IL16: variants seen among roughly 807,000 people sequenced by gnomAD.
IL16 encodes interleukin 16.
A neutral mutation model predicts 110.1 loss-of-function variants in IL16; 67 were observed. The observed-to-expected ratio is 0.61, with a 90% CI of 0.50 to 0.75. The LOEUF (loss-of-function observed/expected upper bound fraction) is 0.75, where lower values mean the gene tolerates loss of function less well. Among genes scored for constraint, IL16 ranks in the 30% least tolerant of loss-of-function variants. The pLI, the probability that IL16 is intolerant of heterozygous loss-of-function variation, is 0.00. For missense variants in IL16, 1,545 were observed against 1,655.0 expected, an observed-to-expected ratio of 0.93 and a Z score of 1.15; for synonymous variants, 689 against 662.9, an observed-to-expected ratio of 1.04 and a Z score of -0.61.
intron 14 of IL16, 60 bp downstream of exon 14, chr15:81,300,535 A>G: frequency 1.8e-6 from 2 of 1,107,964 alleles, no homozygotes; most frequent in Non-Finnish European, 2.6e-6. Context: ...TCTCATCTTT[A>G]TTTTTAAAAA....
chr15:81,306,950 A>G (rs1018889433), intron 18 of IL16: 1 of 314,188 alleles, frequency 3.2e-6, no homozygotes, highest in East Asian at 8.7e-5. Context: ...TGGACAAAAT[A>G]TCCAAGTTTA....
chr15:81,297,011 A>T lies in IL16; in HGVS notation c.1986A>T (p.Gly662=). The T allele has an allele frequency of 6.2e-7, 1 of 1,613,872 alleles. No individual in the cohort carries two copies. The highest frequency in any genetic ancestry group is 1.1e-5 in the South Asian group (1 of 91,074). ...CTAGTGCCTCTGCCGGCTGCCCAGG[A>T]CCTGGTATCGGCCCACAGACCAAGT... is the stretch of plus-strand genomic sequence containing the variant. ...RSPSASAGCP[G]PGIGPQTKSS... Residue 662 remains glycine (G), a synonymous_variant, in exon 13 of 19, where the codon GGA becomes GGT. Transcript: ENST00000683961.
chr15:81,228,322 A>T (rs990248554), intron 2 of IL16, among the ~76,000 whole-genome samples: 32 of 140,470 alleles, frequency 2.3e-4, no homozygotes, highest in African/African-American at 5.0e-4. Context: ...TGTACAACAC[A>T]TTTTTTTTTT....
intron 4 of IL16, among the ~76,000 whole-genome samples, chr15:81,269,179 G>C (rs960631774): frequency 6.6e-6 from 1 of 151,608 alleles, no homozygotes; most frequent in Non-Finnish European, 1.5e-5. Flanking sequence ...TAGTCTCAGG[G>C]CGTTCTTGGT....
chr15:81,286,876 C>T (rs1038812464), intron 10 of IL16, among the ~76,000 whole-genome samples: 16 of 152,252 alleles, frequency 1.1e-4, no homozygotes, highest in African/African-American at 3.6e-4. Context: ...CTCACAATCA[C>T]AGCAGAAGGT....
chr15:81,269,755 C>A (rs535291027), intron 5 of IL16, 107 bp downstream of exon 5: 24 of 764,234 alleles, frequency 3.1e-5, no homozygotes, highest in African/African-American at 2.4e-4. Flanking sequence ...GGTGTCCTGG[C>A]GCATCAGAAG....
At chr15:81,259,282 C>T (rs1198606198) in intron 2 of IL16, among the ~76,000 whole-genome samples, 2 of 152,190 alleles carry the variant, frequency 1.3e-5, no homozygotes, top group Non-Finnish European at 2.9e-5. Flanking sequence ...GTAACTTGCT[C>T]GATCTTTCTC....
intron 12 of IL16, chr15:81,295,457 G>A (rs1899939703): frequency 7.8e-7 from 1 of 1,289,526 alleles, no homozygotes; most frequent in South Asian, 1.2e-5. Flanking sequence ...ACATGTGGCT[G>A]CCTGTAAAAG....
At chr15:81,189,119 AATTTTT>A (rs1395695089) in intron 1 of IL16, among the ~76,000 whole-genome samples, 1 of 138,938 alleles carries the variant, frequency 7.2e-6, no homozygotes, top group Admixed American at 7.6e-5. Flanking sequence ...ATGCCAAGAT[AATTTTT>A]TTTTTTTTTT....
intron 2 of IL16, among the ~76,000 whole-genome samples, chr15:81,236,848 T>G (rs1442683961): frequency 1.3e-5 from 2 of 151,952 alleles, no homozygotes; most frequent in African/African-American, 2.4e-5. Flanking sequence ...TCCCAGCTAC[T>G]CAGGAGGCTG....
chr15:81,224,453 G>T (rs1896721888), intron 1 of IL16, among the ~76,000 whole-genome samples: 1 of 152,222 alleles, frequency 6.6e-6, no homozygotes, highest in Non-Finnish European at 1.5e-5. Context: ...ATGTTGGCCT[G>T]ACTGGAAAGC....
chr15:81,247,074 TCC>T (rs368697956), intron 2 of IL16, among the ~76,000 whole-genome samples: 10,935 of 122,356 alleles, frequency 0.089, 443 homozygotes, highest in African/African-American at 0.12. Context: ...TCTTTTCTTT[TCC>T]TTTTTTTTTT....
At chr15:81,251,879 C>T (rs1197433017) in intron 2 of IL16, among the ~76,000 whole-genome samples, 1 of 151,970 alleles carries the variant, frequency 6.6e-6, no homozygotes, top group Non-Finnish European at 1.5e-5. Context: ...AGAGGAACTT[C>T]TCCCAAATTA....
intron 12 of IL16, 123 bp from the exon 13 acceptor site, chr15:81,296,805 T>C: frequency 1.2e-6 from 1 of 839,016 alleles, no homozygotes; most frequent in Non-Finnish European, 1.9e-6. Context: ...ACATGGCTGC[T>C]GATGAACTTC....
At position 81,214,277 on chromosome 15, in the gene IL16, T is replaced by C. The variant is rs541711830; in HGVS notation, c.-101-11022T>C. Among the ~76,000 whole-genome samples, 7 of 152,328 alleles carry C rather than the reference T, an allele frequency of 4.6e-5. 1 individual carries two copies. In the East Asian group the frequency reaches 7.7e-4, roughly 17 times the overall value. ...CAGGTGTCATCCTTTTAATTCCATG[T>C]TTAGCACTCCCATAAGGACTTCTTG... On this transcript the variant is annotated intron_variant, in intron 1 of 18. Coordinates refer to ENST00000683961, the MANE Select transcript of IL16 (RefSeq NM_172217.5).
intron 1 of IL16, among the ~76,000 whole-genome samples, chr15:81,211,448 C>T (rs1466952441): frequency 1.3e-5 from 2 of 152,124 alleles, no homozygotes; most frequent in African/African-American, 4.8e-5. Context: ...GACAGGGTTT[C>T]GCCATGTTGG....
chr15:81,299,483 C>T lies in IL16; in HGVS notation c.2157C>T (p.Asp719=), dbSNP rs774978930. ...AAGACCCTTGGGTTAGGATTTCTGA[C>T]TGCATCAAAAACTTATTTAGCCCCA... The part of the protein sequence containing the change: ...TAEDPWVRIS[D]CIKNLFSPIM... The change falls in exon 14 of 19, where the codon GAC becomes GAT. Residue 719 remains aspartate (D), a synonymous_variant. Coordinates refer to ENST00000683961, the MANE Select transcript of IL16 (RefSeq NM_172217.5). The T allele has an allele frequency of 1.2e-6, 2 of 1,614,182 alleles. No homozygotes were observed. The highest frequency in any genetic ancestry group is 2.7e-5 in the African/African-American group (2 of 75,046).
At chr15:81,234,670 T>C (rs1897122150) in intron 2 of IL16, among the ~76,000 whole-genome samples, 1 of 152,234 alleles carries the variant, frequency 6.6e-6, no homozygotes, top group Non-Finnish European at 1.5e-5. Flanking sequence ...ACATTTTCCA[T>C]TATTTTTCAT....
chr15:81,278,863 A>T lies in IL16; in HGVS notation c.837A>T (p.Thr279=). 2 of 1,613,298 alleles carry T rather than the reference A, an allele frequency of 1.2e-6. No homozygotes were observed. Among genetic ancestry groups the T allele is most frequent in the Non-Finnish European group, 1.7e-6 (2 of 1,179,200 alleles). Reference sequence around the variant, plus strand: ...ATGGTGAATCAATGGCTGGACTAACACATCAGGATGCTTTGCAGAAGTTCA... The same window carrying T: ...ATGGTGAATCAATGGCTGGACTAACTCATCAGGATGCTTTGCAGAAGTTCA... ...ELNGESMAGL[T]HQDALQKFKQ... The change falls in exon 7 of 19, where the codon ACA becomes ACT. Residue 279 remains threonine (T), a synonymous_variant. Coordinates refer to ENST00000683961, the MANE Select transcript of IL16 (RefSeq NM_172217.5).
Sources: gnomAD v4.1 joint callset for allele counts (sites outside exome capture counted in the v4.1 genomes callset) on GRCh38, gnomAD v4.1.1 for gene constraint, MANE v1.5 for transcripts, NCBI Gene and HGNC (gene_info 2026-07-23, HGNC 2026-07-21) for gene names.